The following RNF212B variants were observed in gnomAD, a reference collection of about 807,000 sequenced individuals.
RNF212B encodes E3 ubiquitin-protein ligase RNF212B.
A neutral mutation model predicts 55.5 loss-of-function variants in RNF212B; 52 were observed. The ratio of observed to expected loss-of-function variants is 0.94; its 90% CI spans 0.75 to 1.18. The LOEUF is 1.18. Among genes scored for constraint, RNF212B ranks in the 50% most tolerant of loss-of-function variants. The pLI is 0.00. For missense variants in RNF212B, 289 were observed against 350.4 expected (o/e 0.82, Z 1.40); for synonymous variants, 99 against 121.4 (o/e 0.82, Z 1.21).
intron 2 of RNF212B, among the ~76,000 whole-genome samples, chr14:23,203,443 G>T (rs1462437683): frequency 6.7e-6 from 1 of 149,728 alleles, no homozygotes; most frequent in East Asian, 2.0e-4. Context: ...CCCAGTAGTG[G>T]TATTGCTGGA....
At chr14:23,252,177 C>T (rs1199893326) in intron 4 of RNF212B, among the ~76,000 whole-genome samples, 1 of 151,986 alleles carries the variant, frequency 6.6e-6, no homozygotes, top group African/African-American at 2.4e-5. Flanking sequence ...TTGATGCTAC[C>T]TAGGACCCAC....
intron 2 of RNF212B, among the ~76,000 whole-genome samples, chr14:23,220,951 GT>G (rs1205186665): frequency 1.3e-4 from 20 of 152,034 alleles, no homozygotes; most frequent in Non-Finnish European, 2.9e-5. Flanking sequence ...AGAGAAGACT[GT>G]AAAACAACCA....
At chr14:23,214,589 C>A (rs1566402406) in intron 2 of RNF212B, among the ~76,000 whole-genome samples, 2 of 149,756 alleles carry the variant, frequency 1.3e-5, no homozygotes, top group Admixed American at 6.6e-5. Context: ...ATAATATAAC[C>A]AAAAAAATGT....
chr14:23,251,159 G>A (rs2140454564), intron 4 of RNF212B, among the ~76,000 whole-genome samples: 1 of 152,318 alleles, frequency 6.6e-6, no homozygotes, highest in African/African-American at 2.4e-5. Context: ...TAAATGGAAA[G>A]ATGAATAATA....
At chr14:23,212,033 A>G (rs1169204716) in intron 2 of RNF212B, among the ~76,000 whole-genome samples, 1 of 152,162 alleles carries the variant, frequency 6.6e-6, no homozygotes, top group Non-Finnish European at 1.5e-5. Flanking sequence ...TGACCAAAAA[A>G]GAAAAATTAT....
upstream of RNF212B, among the ~76,000 whole-genome samples, chr14:23,235,254 G>C (rs1278570573): frequency 6.6e-6 from 1 of 151,940 alleles, no homozygotes; most frequent in Non-Finnish European, 1.5e-5. Flanking sequence ...GGAGGCTGAG[G>C]CAGAAGGATC....
intron 2 of RNF212B, among the ~76,000 whole-genome samples, chr14:23,200,018 A>T (rs1017753913): frequency 3.7e-5 from 5 of 133,404 alleles, no homozygotes; most frequent in South Asian, 2.2e-4. Flanking sequence ...ATAAAAAATT[A>T]AAAAAAAAAA....
chr14:23,272,798 T>C (rs1490945834), intron 14 of RNF212B, 25 bp from the exon 15 acceptor site: 2 of 1,513,258 alleles, frequency 1.3e-6, no homozygotes, highest in South Asian at 1.2e-5. Context: ...AACACCCACA[T>C]CTACCTTCTT....
rs146692427 is a variant in RNF212B at position 23,255,908 on chromosome 14, A to T, written c.229-2641A>T. On this transcript the variant is annotated intron_variant, in intron 4 of 14. Coordinates refer to ENST00000430154, the MANE Select transcript of RNF212B (RefSeq NM_001282322.3). ...TGAATGTGTTTGATATAGGCTAAAC[A>T]TTTGTACCCTGGCATCAGGCAAAAT... Among the ~76,000 whole-genome samples, 191 of 152,308 alleles carry T rather than the reference A, an allele frequency of 1.3e-3. 1 individual carries two copies. The highest frequency in any genetic ancestry group is 4.5e-3 in the African/African-American group (189 of 41,568).
intron 6 of RNF212B, 42 bp from the exon 7 acceptor site, chr14:23,260,617 C>T (rs1885224143): frequency 6.5e-7 from 1 of 1,535,606 alleles, no homozygotes; most frequent in Non-Finnish European, 8.8e-7. Context: ...GATTAGGATC[C>T]TCAGTTGCAG....
intron 2 of RNF212B, among the ~76,000 whole-genome samples, chr14:23,228,744 T>C (rs1027152709): frequency 2.6e-5 from 4 of 152,180 alleles, no homozygotes; most frequent in African/African-American, 9.7e-5. Context: ...ATCATAAGGC[T>C]ACAGTAAGTG....
chr14:23,258,946 G>T (rs1885069736), intron 5 of RNF212B, among the ~76,000 whole-genome samples: 1 of 151,602 alleles, frequency 6.6e-6, no homozygotes, highest in South Asian at 2.1e-4. Context: ...AGCACTTTGG[G>T]TGACCGAAGC....
At chr14:23,268,033 C>T (rs2043834879) in intron 11 of RNF212B, among the ~76,000 whole-genome samples, 1 of 151,942 alleles carries the variant, frequency 6.6e-6, no homozygotes, top group South Asian at 2.1e-4. Flanking sequence ...TTTGTTTGTC[C>T]CAGCTGATAT....
At chr14:23,205,913 T>C (rs1245882358) in intron 2 of RNF212B, among the ~76,000 whole-genome samples, 2 of 152,240 alleles carry the variant, frequency 1.3e-5, no homozygotes, top group East Asian at 3.8e-4. Flanking sequence ...TTTGACACCT[T>C]ACATTATTTG....
chr14:23,261,753 A>T (rs1885309361), intron 7 of RNF212B, among the ~76,000 whole-genome samples: 1 of 152,144 alleles, frequency 6.6e-6, no homozygotes, highest in South Asian at 2.1e-4. Flanking sequence ...TGGGGTCAGG[A>T]GATTGAGACC....
rs780687973 is a variant in RNF212B, at chr14:23,238,780, A to AATC, written c.-2+726_-2+728dup. Reference sequence around the variant, plus strand: ...TAATAATAATAATAATAATAATAATAATCCCACAAAGAAACCTTACAAAGT... The same window carrying AATC: ...TAATAATAATAATAATAATAATAATAATCATCCCACAAAGAAACCTTACAAAGT... On this transcript the variant is annotated intron_variant, in intron 1 of 14. Transcript: ENST00000430154. Among the ~76,000 whole-genome samples, 13 of 145,686 alleles carry AATC rather than the reference A, an allele frequency of 8.9e-5. No individual in the cohort carries two copies. In the East Asian group the frequency reaches 1.4e-3, roughly 16 times the overall value.
intron 2 of RNF212B, among the ~76,000 whole-genome samples, chr14:23,198,445 G>A (rs12888111): frequency 3.3e-5 from 5 of 152,018 alleles, no homozygotes; most frequent in Admixed American, 1.3e-4. Flanking sequence ...TTTGGGAGGC[G>A]GAGGAGGGTG....
chr14:23,193,927 C>T lies in RNF212B; in HGVS notation c.-2+526C>T, dbSNP rs571637413. Among the ~76,000 whole-genome samples the T allele has an allele frequency of 1.8e-3, 274 of 152,194 alleles. 1 individual carries two copies. The highest frequency in any genetic ancestry group is 6.4e-3 in the African/African-American group (264 of 41,548). On this transcript the variant is annotated intron_variant, in intron 2 of 15. Transcript: ENST00000399910. Reference sequence around the variant, plus strand: ...CGCGATCTTGGCTCACTGCAACCTCCGCCTCCTGGGTTCAAGCGATTCTCC... The same window carrying T: ...CGCGATCTTGGCTCACTGCAACCTCTGCCTCCTGGGTTCAAGCGATTCTCC...
Position 23,262,715 on chromosome 14 carries a change from G to A in RNF212B, c.481+4G>A, listed in dbSNP as rs202240994. On this transcript the variant is annotated splice_donor_region_variant and intron_variant, in intron 8 of 14. Coordinates refer to ENST00000430154, the MANE Select transcript of RNF212B (RefSeq NM_001282322.3). ...ATTACTTCCCCATCACAGTCAGGTG[G>A]AGAACATTTTTCCCCTAAATATCTG... 3.5e-5 allele frequency: 55 copies of A among 1,550,156 alleles called. No individual in the cohort carries two copies. Among genetic ancestry groups the A allele is most frequent in the Non-Finnish European group, 4.8e-5 (55 of 1,146,784 alleles).
Sources: allele counts gnomAD v4.1 joint callset (sites outside exome capture counted in the v4.1 genomes callset), GRCh38; gene constraint gnomAD v4.1.1; transcripts MANE v1.5; gene names NCBI Gene and HGNC (gene_info 2026-07-23, HGNC 2026-07-21).